The following SULF2 variants were observed in gnomAD, a reference collection of about 807,000 sequenced individuals.
The protein encoded by SULF2 is extracellular sulfatase Sulf-2.
SULF2 carries 52 observed loss-of-function variants against 107.7 expected under a neutral mutation model. The ratio of observed to expected loss-of-function variants is 0.48; its 90% CI spans 0.39 to 0.61. The LOEUF is 0.61. Among genes scored for constraint, SULF2 ranks in the 20% least tolerant of loss-of-function variants. The pLI is 0.00. For missense variants in SULF2, 993 were observed against 1,177.3 expected (o/e 0.84, Z 2.29); for synonymous variants, 460 against 464.3 (o/e 0.99, Z 0.12).
chr20:47,686,594 A>G (rs6012244), intron 5 of SULF2, among the ~76,000 whole-genome samples: 4,144 of 152,308 alleles, frequency 0.027, 188 homozygotes, highest in African/African-American at 0.092. Flanking sequence ...CCCGCGAAGA[A>G]GAGGAGGAAA....
intron 13 of SULF2, 32 bp downstream of exon 13, chr20:47,665,825 G>T: frequency 1.3e-6 from 2 of 1,594,412 alleles, no homozygotes; most frequent in Non-Finnish European, 1.7e-6. Flanking sequence ...CGTGGTGGCC[G>T]AGAGCATGCT....
chr20:47,664,947 G>A (rs1328309931), intron 14 of SULF2, among the ~76,000 whole-genome samples: 1 of 152,224 alleles, frequency 6.6e-6, no homozygotes, highest in African/African-American at 2.4e-5. Flanking sequence ...CCGGCCTGGA[G>A]CCGGCTCTGC....
At chr20:47,672,115 T>C (rs908253357) in intron 11 of SULF2, 83 bp downstream of exon 11, 1 of 1,412,192 alleles carries the variant, frequency 7.1e-7, no homozygotes, top group Non-Finnish European at 9.7e-7. Flanking sequence ...ACAGTCTCTG[T>C]GGAACTGTCG....
chr20:47,751,555 A>G (rs368091921), intron 2 of SULF2, among the ~76,000 whole-genome samples: 5 of 152,288 alleles, frequency 3.3e-5, no homozygotes, highest in East Asian at 3.9e-4. Context: ...GATGCCAGGA[A>G]TGCTGCCTGG....
At chr20:47,739,328 C>T (rs1271715828) in intron 2 of SULF2, among the ~76,000 whole-genome samples, 3 of 152,176 alleles carry the variant, frequency 2.0e-5, no homozygotes, top group South Asian at 2.1e-4. Flanking sequence ...CTCCTGGGAT[C>T]TGGGGAAGGC....
In SULF2 at chr20:47,736,715, C is replaced by T; in HGVS notation, c.403G>A (p.Gly135Ser). 1 of 1,614,208 alleles carries T rather than the reference C, an allele frequency of 6.2e-7. No individual in the cohort carries two copies. The highest frequency in any genetic ancestry group is 8.5e-7 in the Non-Finnish European group (1 of 1,180,034). Residue 135 changes from glycine to serine, a missense_variant, in exon 3 of 21, where the codon GGC (glycine) becomes AGC (serine). Transcript: ENST00000688720. ...RTFAVYLNSTGYRTAFFGKYL... is the reference protein window; with the variant it reads ...RTFAVYLNSTSYRTAFFGKYL... ...CGTCCCTGCTCACCTGTCCGGTAGCCAGTGCTATTGAGGTACACGGCAAAG... is the reference window on the plus strand; with the variant it reads ...CGTCCCTGCTCACCTGTCCGGTAGCTAGTGCTATTGAGGTACACGGCAAAG...
chr20:47,683,298 C>T (rs996952145), intron 6 of SULF2, 129 bp from the exon 7 acceptor site: 2 of 919,910 alleles, frequency 2.2e-6, no homozygotes, highest in African/African-American at 3.3e-5. Flanking sequence ...CTCAACTTTC[C>T]CAGGGGCTGT....
rs142689616 is a variant in SULF2, at chr20:47,664,183, G to C, written c.2004C>G (p.His668Gln). Residue 668 changes from histidine (H) to glutamine (Q), a missense_variant, in exon 15 of 21, where the codon CAC (histidine) becomes CAG (glutamine). By Grantham distance (24) the His-to-Gln change is conservative. Coordinates refer to ENST00000688720, the MANE Select transcript of SULF2 (RefSeq NM_001387048.1). Reference protein sequence around the residue: ...EECDCHKISYHTQHKGRLKHR... With the variant: ...EECDCHKISYQTQHKGRLKHR... ...GCTTGAGGCGGCCTTTGTGCTGGGT[G>C]TGGTAGCTGTAACAGACCCCCCCAG... is the stretch of plus-strand genomic sequence containing the variant. The C allele has an allele frequency of 1.1e-5, 17 of 1,612,160 alleles. No individual in the cohort carries two copies. In the African/African-American group the frequency reaches 1.9e-4, roughly 18 times the overall value.
intron 11 of SULF2, among the ~76,000 whole-genome samples, chr20:47,667,483 G>A (rs965285873): frequency 5.3e-5 from 8 of 152,122 alleles, no homozygotes; most frequent in South Asian, 2.1e-4. Context: ...AGGTGGTGGC[G>A]GTGATGTAGG....
rs140411917 is a variant in SULF2 at position 47,766,767 on chromosome 20, G to A, written c.-100-9304C>T. Among the ~76,000 whole-genome samples, 456 of 152,304 alleles carry A rather than the reference G, an allele frequency of 3.0e-3. 1 individual carries two copies. Among genetic ancestry groups the A allele is most frequent in the African/African-American group, 0.01 (429 of 41,556 alleles). ...AAACCACCGGCAAGCTGTGAGAACA[G>A]AGTGGCCATGGATTAAAGTTAGAGC... is the stretch of plus-strand genomic sequence containing the variant. On this transcript the variant is annotated intron_variant, in intron 1 of 20. Coordinates refer to ENST00000688720, the MANE Select transcript of SULF2 (RefSeq NM_001387048.1).
chr20:47,701,313 T>C (rs1401207468), intron 4 of SULF2, among the ~76,000 whole-genome samples: 1 of 152,186 alleles, frequency 6.6e-6, no homozygotes, highest in East Asian at 1.9e-4. Flanking sequence ...CTTCTGGAAG[T>C]GCTCTATGTC....
chr20:47,731,185 C>CTTTTTTTT lies in SULF2; in HGVS notation c.415+5517_415+5518insAAAAAAAA, dbSNP rs199660759. On this transcript the variant is annotated intron_variant, in intron 3 of 20. Transcript: ENST00000688720. ...TCTGCCTGCTACTCACCTGTATCTT[C>CTTTTTTTT]TCTTTTTTTTTTTTTTTTTTTTTTT... Among the ~76,000 whole-genome samples the CTTTTTTTT allele has an allele frequency of 3.4e-4, 32 of 93,324 alleles. 1 individual carries two copies. The highest frequency in any genetic ancestry group is 1.6e-3 in the African/African-American group (27 of 17,314). The allele number at this position is 93,324 out of a possible 152,430, so 61.2% of individuals were successfully genotyped here.
At position 47,666,354 on chromosome 20, in the gene SULF2, G is replaced by A; in HGVS notation, c.1711C>T (p.Pro571Ser). 1 of 1,614,198 alleles carries A rather than the reference G, an allele frequency of 6.2e-7. No homozygotes were observed. The highest frequency in any genetic ancestry group is 1.1e-5 in the South Asian group (1 of 91,084). The change falls in exon 12 of 21, where the codon CCT becomes TCT. Residue 571 changes from proline to serine, a missense_variant. By Grantham distance (74) the Pro-to-Ser change is moderately conservative (BLOSUM62 -1). This residue lies in a region of SULF2 where 497 missense variants were observed against 544.1 expected (regional missense o/e 0.91). Transcript: ENST00000688720. This position sits in a 1 kb window ranked among gnomAD's most constrained non-coding sequence, Gnocchi z 5.4. The stretch of plus-strand genomic sequence containing the variant: ...CCATCCTTGTCATCTTGGTCCTCAG[G>A]GGCCCCTGGCCAGTGCCGCTTGGTG... ...NLTKRHWPGA[P>S]EDQDDKDGGD...
At chr20:47,783,727 G>A (rs78492788) in intron 1 of SULF2, among the ~76,000 whole-genome samples, 3,013 of 152,302 alleles carry the variant, frequency 0.02, 45 homozygotes, top group South Asian at 0.037. Flanking sequence ...CGGCCTTTAT[G>A]TATATAAATT....
In SULF2 at chr20:47,680,034, C is replaced by T. The variant is rs1209797390; in HGVS notation, c.1065-1230G>A. On this transcript the variant is annotated intron_variant, in intron 7 of 20. Transcript: ENST00000688720. This position sits in a 1 kb window ranked among gnomAD's most constrained non-coding sequence, Gnocchi z 4.2. ...CACTTCTGTATCTCCAGGACTTATA[C>T]CCTTAGAACACAGAGGAGCTACTCA... Among the ~76,000 whole-genome samples the T allele has an allele frequency of 2.0e-5, 3 of 152,166 alleles. No homozygotes were observed. The highest frequency in any genetic ancestry group is 4.4e-5 in the Non-Finnish European group (3 of 68,032).
chr20:47,663,249 G>T (rs577687975), intron 16 of SULF2, 37 bp from the exon 17 acceptor site: 1 of 1,611,704 alleles, frequency 6.2e-7, no homozygotes, highest in Non-Finnish European at 8.5e-7. Context: ...GAGTGCCTGC[G>T]GGAGGAGGCC....
At chr20:47,761,353 C>G (rs569068854) in intron 1 of SULF2, among the ~76,000 whole-genome samples, 7 of 152,302 alleles carry the variant, frequency 4.6e-5, no homozygotes, top group African/African-American at 1.7e-4. Context: ...CAACTCTTTC[C>G]GTTCAAGGAC....
chr20:47,744,215 C>T (rs990791051), intron 2 of SULF2, among the ~76,000 whole-genome samples: 1 of 152,076 alleles, frequency 6.6e-6, no homozygotes, highest in Non-Finnish European at 1.5e-5. Context: ...TGGAGTCTCC[C>T]TCTGTCTTTC....
chr20:47,745,884 C>G (rs2090024688), intron 2 of SULF2, among the ~76,000 whole-genome samples: 1 of 152,182 alleles, frequency 6.6e-6, no homozygotes, highest in South Asian at 2.1e-4. Context: ...AACGGAGTCC[C>G]TCTAGACTAA....
Sources: gnomAD v4.1 joint callset for allele counts (sites outside exome capture counted in the v4.1 genomes callset) on GRCh38, gnomAD v4.1.1 for gene constraint, gnomAD v4.1.1 regional missense constraint, Gnocchi (gnomAD v3.1) non-coding constraint, MANE v1.5 for transcripts, NCBI Gene and HGNC (gene_info 2026-07-23, HGNC 2026-07-21) for gene names.